Variants in RANBP2 observed in about 807,000 individuals in gnomAD.
RANBP2 encodes RAN binding protein 2.
In RANBP2, 57 loss-of-function variants were observed where a neutral mutation model predicts 303.6. The observed-to-expected ratio is 0.19, with a 90% CI of 0.15 to 0.23. The LOEUF is 0.23. RANBP2 is among the 10% of genes least tolerant of loss of function. The pLI, the probability that RANBP2 is intolerant of heterozygous loss-of-function variation, is 1.00. For missense variants in RANBP2, 3,138 were observed against 3,780.8 expected, an observed-to-expected ratio of 0.83 and a Z score of 4.46; for synonymous variants, 1,167 against 1,301.5, an observed-to-expected ratio of 0.90 and a Z score of 2.23.
the RANBP2 span, among the ~76,000 whole-genome samples, chr2:109,629,795 AG>A: frequency 5.3e-5 from 8 of 151,998 alleles, no homozygotes; most frequent in Admixed American, 5.2e-4. Context: ...TGGGCAATAG[AG>A]CAAGACTCCG....
chr2:108,871,552 C>CA, the RANBP2 span, among the ~76,000 whole-genome samples: 1 of 151,042 alleles, frequency 6.6e-6, no homozygotes, highest in Admixed American at 6.6e-5. Context: ...ACTTTAGCTC[C>CA]AAAAAAAATA....
chr2:109,473,386 G>A, the RANBP2 span, among the ~76,000 whole-genome samples: 1 of 152,132 alleles, frequency 6.6e-6, no homozygotes, highest in Non-Finnish European at 1.5e-5. Flanking sequence ...CGTGCTCTGA[G>A]GCCCCCATCA....
the RANBP2 span, among the ~76,000 whole-genome samples, chr2:109,240,467 G>A: frequency 2.0e-5 from 3 of 152,090 alleles, no homozygotes; most frequent in Non-Finnish European, 4.4e-5. Flanking sequence ...CAGCCTGGGC[G>A]ACAAACAAAA....
At chr2:108,811,241 C>T in the RANBP2 span, among the ~76,000 whole-genome samples, 2 of 46,818 alleles carry the variant, frequency 4.3e-5, no homozygotes, top group Admixed American at 2.7e-4. Flanking sequence ...CTTTCTTTCT[C>T]TCTCTCTTTT....
chr2:108,770,790 C>G (rs1395963786), intron 20 of RANBP2, among the ~76,000 whole-genome samples: 1 of 152,050 alleles, frequency 6.6e-6, no homozygotes, highest in African/African-American at 2.4e-5. Flanking sequence ...TGATATTTTA[C>G]ATTATTGTTT....
the RANBP2 span, among the ~76,000 whole-genome samples, chr2:109,676,859 T>C: frequency 1.3e-5 from 2 of 152,178 alleles, no homozygotes; most frequent in East Asian, 1.9e-4. Flanking sequence ...TTGGCGTCTG[T>C]CTATCCATCT....
At chr2:108,971,222 A>G in the RANBP2 span, among the ~76,000 whole-genome samples, 1 of 152,210 alleles carries the variant, frequency 6.6e-6, no homozygotes, top group East Asian at 1.9e-4. Flanking sequence ...AATCATCTTT[A>G]TATTTTTATA....
the RANBP2 span, chr2:108,798,547 TGAA>T: frequency 1.2e-6 from 2 of 1,613,538 alleles, no homozygotes; most frequent in Non-Finnish European, 1.7e-6. Context: ...TTAAAGGTGT[TGAA>T]GAAGAGGTTC....
the RANBP2 span, among the ~76,000 whole-genome samples, chr2:109,509,294 G>A: frequency 1.3e-5 from 2 of 152,202 alleles, no homozygotes; most frequent in Non-Finnish European, 2.9e-5. Flanking sequence ...ATGGAAAGAA[G>A]TGTGCAAACC....
chr2:109,032,629 C>T, the RANBP2 span, among the ~76,000 whole-genome samples: 1 of 152,170 alleles, frequency 6.6e-6, no homozygotes, highest in Admixed American at 6.5e-5. Flanking sequence ...AGAGCAGAGG[C>T]CTTGGCCAAC....
chr2:109,479,859 A>G, the RANBP2 span, among the ~76,000 whole-genome samples: 1 of 152,078 alleles, frequency 6.6e-6, no homozygotes, highest in African/African-American at 2.4e-5. Context: ...CTGCCCTCAG[A>G]GCCTTCATAC....
chr2:109,544,830 G>A, the RANBP2 span: 1 of 749,518 alleles, frequency 1.3e-6, no homozygotes. Context: ...ACTGCTCTAG[G>A]CTCTGGGGAT....
the RANBP2 span, among the ~76,000 whole-genome samples, chr2:109,350,674 C>T: frequency 6.6e-6 from 1 of 152,216 alleles, no homozygotes; most frequent in African/African-American, 2.4e-5. Flanking sequence ...CACGGTGGGT[C>T]CGACCCACCT....
At chr2:109,076,124 G>A in the RANBP2 span, among the ~76,000 whole-genome samples, 4,497 of 150,354 alleles carry the variant, frequency 0.03, 328 homozygotes, top group Non-Finnish European at 0.043. Flanking sequence ...TGGGATGCAG[G>A]TTTGGTTCAA....
At chr2:109,622,963 C>T in the RANBP2 span, among the ~76,000 whole-genome samples, 4 of 152,038 alleles carry the variant, frequency 2.6e-5, no homozygotes, top group African/African-American at 9.7e-5. Context: ...CCTGTGTCTA[C>T]TAAAACTACA....
At chr2:109,050,525 G>T in the RANBP2 span, among the ~76,000 whole-genome samples, 1 of 152,130 alleles carries the variant, frequency 6.6e-6, no homozygotes, top group Non-Finnish European at 1.5e-5. Flanking sequence ...ATAGTGCTGG[G>T]ATTACAGGTG....
chr2:108,790,422 T>C (rs1679717285), downstream of RANBP2, among the ~76,000 whole-genome samples: 1 of 152,246 alleles, frequency 6.6e-6, no homozygotes, highest in Non-Finnish European at 1.5e-5. Context: ...TCTGAAACTA[T>C]GCTGTCCAGC....
chr2:108,942,430 G>A, the RANBP2 span, among the ~76,000 whole-genome samples: 3 of 152,230 alleles, frequency 2.0e-5, no homozygotes, highest in Non-Finnish European at 4.4e-5. Flanking sequence ...GGGCCTGGGC[G>A]TGGATGCATG....
the RANBP2 span, among the ~76,000 whole-genome samples, chr2:109,215,219 G>C: frequency 1.3e-5 from 2 of 152,146 alleles, no homozygotes; most frequent in African/African-American, 4.8e-5. Flanking sequence ...CATGGTCCCT[G>C]CCCCCTTACT....
Sources: gnomAD v4.1 joint callset for allele counts (sites outside exome capture counted in the v4.1 genomes callset) on GRCh38, gnomAD v4.1.1 for gene constraint, MANE v1.5 for transcripts, NCBI Gene and HGNC (gene_info 2026-07-23, HGNC 2026-07-21) for gene names.